The following DLGAP2 variants were observed in gnomAD, a reference collection of about 807,000 sequenced individuals.
DLGAP2 encodes the protein DLG associated protein 2.
A neutral mutation model predicts 100.3 loss-of-function variants in DLGAP2; 26 were observed. The ratio of observed to expected loss-of-function variants is 0.26; its 90% confidence interval spans 0.19 to 0.36. The LOEUF (loss-of-function observed/expected upper bound fraction) is 0.36, where lower values mean the gene tolerates loss of function less well. Ranked by LOEUF, DLGAP2 falls within the 10% of genes least tolerant of loss-of-function variation. The probability of loss-of-function intolerance (pLI) is 1.00; values close to 1 mark genes in which losing one functional copy is unlikely to be tolerated. For synonymous variants in DLGAP2, 886 were observed against 630.1 expected (o/e 1.41, Z -6.08); for missense variants, 1,858 against 1,453.2 (o/e 1.28, Z -4.53).
chr8:1,164,033 C>T (rs1241359957), intron 2 of DLGAP2, among the ~76,000 whole-genome samples: 1 of 152,156 alleles, frequency 6.6e-6, no homozygotes, highest in African/African-American at 2.4e-5. Context: ...TCCTTCATCT[C>T]CTCTAGTGAG....
chr8:870,565 C>G (rs1294981348), intron 1 of DLGAP2, among the ~76,000 whole-genome samples: 2 of 152,170 alleles, frequency 1.3e-5, no homozygotes, highest in Non-Finnish European at 2.9e-5. Flanking sequence ...GCTCTGTTTC[C>G]TCTCACTTCC....
At chr8:748,247 CGGTGGGATGGGGCCGGCCTCTGT>C (rs1210892354) in intron 1 of DLGAP2, among the ~76,000 whole-genome samples, 1 of 145,368 alleles carries the variant, frequency 6.9e-6, no homozygotes, top group Non-Finnish European at 1.5e-5. Context: ...GGCGGGTCTG[CGGTGGGATGGGGCCGGCCTCTGT>C]GGTGGGATGG....
chr8:810,614 G>T (rs1028083678), intron 1 of DLGAP2, among the ~76,000 whole-genome samples: 1 of 152,122 alleles, frequency 6.6e-6, no homozygotes, highest in Non-Finnish European at 1.5e-5. Context: ...ACTAAATTCT[G>T]TTGCCATTTT....
At chr8:953,190 T>TTTTTTTC (rs1268041903) in intron 2 of DLGAP2, among the ~76,000 whole-genome samples, 2 of 152,044 alleles carry the variant, frequency 1.3e-5, no homozygotes, top group African/African-American at 2.4e-5. Context: ...CTATGTTTCT[T>TTTTTTTC]TTTTTTCTTT....
intron 6 of DLGAP2, among the ~76,000 whole-genome samples, chr8:1,576,073 C>A (rs1324689429): frequency 1.3e-5 from 2 of 152,170 alleles, no homozygotes; most frequent in Non-Finnish European, 2.9e-5. Context: ...AACTAGTTTA[C>A]AGTCCCACCA....
chr8:1,421,570 T>C (rs1797088370), intron 3 of DLGAP2, among the ~76,000 whole-genome samples: 1 of 152,210 alleles, frequency 6.6e-6, no homozygotes. Context: ...TTATGAATAT[T>C]ATGAAAGTTA....
intron 6 of DLGAP2, among the ~76,000 whole-genome samples, chr8:1,620,815 G>C (rs577195993): frequency 1.3e-5 from 2 of 152,268 alleles, no homozygotes; most frequent in African/African-American, 4.8e-5. Flanking sequence ...CAGCTCACAA[G>C]TCCCTGATTA....
intron 3 of DLGAP2, among the ~76,000 whole-genome samples, chr8:1,433,109 G>T (rs73172538): frequency 0.21 from 32,316 of 152,168 alleles, 3,849 homozygotes; most frequent in Middle Eastern, 0.29. Context: ...CACGTCCCCA[G>T]TGTGTGGGTG....
chr8:1,598,125 G>A (rs1391913621), intron 6 of DLGAP2, among the ~76,000 whole-genome samples: 3 of 152,176 alleles, frequency 2.0e-5, no homozygotes, highest in East Asian at 1.9e-4. Context: ...AGATAATCAT[G>A]TGGTTTTTGT....
At chr8:1,682,167 C>G (rs2130861091) in intron 12 of DLGAP2, among the ~76,000 whole-genome samples, 1 of 152,356 alleles carries the variant, frequency 6.6e-6, no homozygotes, top group South Asian at 2.1e-4. Context: ...TCCTCCACGA[C>G]TGTGACCCAC....
At chr8:1,594,237 A>G (rs1796379933) in intron 6 of DLGAP2, among the ~76,000 whole-genome samples, 1 of 152,208 alleles carries the variant, frequency 6.6e-6, no homozygotes, top group African/African-American at 2.4e-5. Context: ...AGATATTTCA[A>G]AGAAATAAAA....
chr8:1,575,455 T>TTTATTA (rs56350882), intron 6 of DLGAP2, among the ~76,000 whole-genome samples: 3,154 of 141,162 alleles, frequency 0.022, 81 homozygotes, highest in African/African-American at 0.05. Context: ...GAGGATATTC[T>TTTATTA]TTATTATTAT....
chr8:1,068,943 T>C (rs34510005), intron 2 of DLGAP2, among the ~76,000 whole-genome samples: 52,835 of 152,024 alleles, frequency 0.35, 9,597 homozygotes, highest in East Asian at 0.47. Context: ...TCAGGGCAGG[T>C]TCTGGCCTGG....
chr8:1,179,831 A>T (rs1585127037), intron 2 of DLGAP2, among the ~76,000 whole-genome samples: 1 of 152,232 alleles, frequency 6.6e-6, no homozygotes, highest in Non-Finnish European at 1.5e-5. Flanking sequence ...ATACCCAGTG[A>T]TTGCTAAGAA....
At chr8:1,212,335 G>A (rs958551302) in intron 2 of DLGAP2, among the ~76,000 whole-genome samples, 14 of 152,218 alleles carry the variant, frequency 9.2e-5, no homozygotes, top group African/African-American at 3.4e-4. Flanking sequence ...TCCGTCTCCA[G>A]AGGTCCTCCT....
At chr8:1,561,415 A>G (rs1802156953) in intron 5 of DLGAP2, among the ~76,000 whole-genome samples, 1 of 152,136 alleles carries the variant, frequency 6.6e-6, no homozygotes, top group African/African-American at 2.4e-5. Context: ...GCTGGAGAGC[A>G]CCACAGACAC....
intron 3 of DLGAP2, among the ~76,000 whole-genome samples, chr8:1,431,970 A>T (rs867185349): frequency 2.8e-4 from 39 of 141,658 alleles, no homozygotes; most frequent in Middle Eastern, 3.4e-3. Flanking sequence ...TACGGCTGCC[A>T]TCCATCGGGG....
intron 2 of DLGAP2, chr8:1,137,708 T>C (rs1381307946): frequency 1.3e-5 from 2 of 152,244 alleles, no homozygotes; most frequent in Admixed American, 6.5e-5. Context: ...CTTTCTACTA[T>C]ATAAACTTCC....
At chr8:1,426,197 A>G (rs1338039189) in intron 3 of DLGAP2, among the ~76,000 whole-genome samples, 2 of 152,220 alleles carry the variant, frequency 1.3e-5, no homozygotes, top group Non-Finnish European at 2.9e-5. Context: ...TGTCCACCCA[A>G]TACCCACATC....
Sources: allele counts gnomAD v4.1 joint callset (sites outside exome capture counted in the v4.1 genomes callset), GRCh38; gene constraint gnomAD v4.1.1; transcripts MANE v1.5; gene names NCBI Gene and HGNC (gene_info 2026-07-23, HGNC 2026-07-21).